NKAIN3: variants seen among roughly 807,000 people sequenced by gnomAD.
The protein encoded by NKAIN3 is sodium/potassium transporting ATPase interacting 3, also known as sodium/potassium-transporting ATPase subunit beta-1-interacting protein 3.
In NKAIN3, 25 loss-of-function variants were observed where a neutral mutation model predicts 30.2. That is an observed-to-expected ratio of 0.83 (90% CI 0.60 to 1.16). The LOEUF is 1.16. Among genes scored for constraint, NKAIN3 ranks in the 50% most tolerant of loss-of-function variants. NKAIN3 has a pLI of 0.00. For missense variants in NKAIN3, 225 were observed against 254.1 expected, an observed-to-expected ratio of 0.89 and a Z score of 0.78; for synonymous variants, 91 against 89.6, an observed-to-expected ratio of 1.02 and a Z score of -0.09.
intron 4 of NKAIN3, among the ~76,000 whole-genome samples, chr8:62,846,428 A>G (rs1415997245): frequency 1.3e-5 from 2 of 152,050 alleles, no homozygotes; most frequent in Non-Finnish European, 2.9e-5. Context: ...TCCATCACCT[A>G]GGTATTAGGC....
intron 1 of NKAIN3, among the ~76,000 whole-genome samples, chr8:62,489,615 C>G (rs144441030): frequency 6.6e-6 from 1 of 152,230 alleles, no homozygotes; most frequent in East Asian, 1.9e-4. Context: ...GATGACAAAA[C>G]AGCATATTTA....
intron 4 of NKAIN3, among the ~76,000 whole-genome samples, chr8:62,780,986 A>C (rs1418264355): frequency 1.3e-5 from 2 of 152,050 alleles, no homozygotes; most frequent in African/African-American, 2.4e-5. Flanking sequence ...TTGGAAAAGA[A>C]GTCAAATTGT....
At chr8:62,753,505 T>A (rs1816352668) in intron 4 of NKAIN3, among the ~76,000 whole-genome samples, 1 of 152,114 alleles carries the variant, frequency 6.6e-6, no homozygotes, top group Non-Finnish European at 1.5e-5. Flanking sequence ...AATTTAGTAA[T>A]TAATTCAATG....
At chr8:62,576,765 G>C (rs1390026720) in intron 1 of NKAIN3, among the ~76,000 whole-genome samples, 1 of 152,074 alleles carries the variant, frequency 6.6e-6, no homozygotes, top group Non-Finnish European at 1.5e-5. Flanking sequence ...ACCAAGGCTA[G>C]CATCTCCCCA....
intron 3 of NKAIN3, among the ~76,000 whole-genome samples, chr8:62,654,296 G>C (rs951684040): frequency 1.3e-5 from 2 of 151,750 alleles, no homozygotes; most frequent in Admixed American, 1.3e-4. Context: ...CAAATAGAAA[G>C]GAAAAGATAA....
chr8:62,384,938 C>T (rs1817380207), intron 1 of NKAIN3, among the ~76,000 whole-genome samples: 1 of 152,054 alleles, frequency 6.6e-6, no homozygotes, highest in Admixed American at 6.6e-5. Flanking sequence ...TAGATATTAT[C>T]ATTGTAATTA....
chr8:62,858,173 G>A (rs1461398950), intron 4 of NKAIN3, among the ~76,000 whole-genome samples: 1 of 152,086 alleles, frequency 6.6e-6, no homozygotes, highest in Non-Finnish European at 1.5e-5. Context: ...CCTGTACCTG[G>A]AGGTATCACC....
At chr8:62,383,881 C>CTTTG (rs1817349085) in intron 1 of NKAIN3, among the ~76,000 whole-genome samples, 1 of 145,788 alleles carries the variant, frequency 6.9e-6, no homozygotes, top group Admixed American at 6.8e-5. Flanking sequence ...CATGAATTTT[C>CTTTG]TTTTTTTTTT....
At chr8:62,468,655 C>T (rs775226211) in intron 1 of NKAIN3, among the ~76,000 whole-genome samples, 1 of 152,146 alleles carries the variant, frequency 6.6e-6, no homozygotes, top group African/African-American at 2.4e-5. Flanking sequence ...AAAAATATTC[C>T]AAATTTAGTA....
rs996521868 is a variant in NKAIN3 at position 62,320,440 on chromosome 8, C to A, written c.54+71313C>A. Among the ~76,000 whole-genome samples the A allele has an allele frequency of 2.0e-5, 3 of 152,220 alleles. No homozygotes were observed. The South Asian group carries it at 6.2e-4, about 32-fold the overall frequency. On this transcript the variant is annotated intron_variant, in intron 1 of 6. Coordinates refer to ENST00000623646, the MANE Select transcript of NKAIN3 (RefSeq NM_001304533.3). ...TTCTTCCTAGCCTCGATGGTCTTTA[C>A]AATTTGGCATGTTTTTGCAGTGGCT...
chr8:62,863,192 G>A, intron 4 of NKAIN3: 2 of 1,541,064 alleles, frequency 1.3e-6, no homozygotes, highest in African/African-American at 2.7e-5. Flanking sequence ...TCTATCTCCT[G>A]CAGGCGTTTT....
At chr8:62,760,199 A>T (rs1484018864) in intron 4 of NKAIN3, among the ~76,000 whole-genome samples, 3 of 152,174 alleles carry the variant, frequency 2.0e-5, no homozygotes, top group Admixed American at 1.3e-4. Context: ...TAGTTCAACC[A>T]TTGTGGAAGT....
intron 1 of NKAIN3, among the ~76,000 whole-genome samples, chr8:62,414,124 A>T (rs1332637938): frequency 6.6e-6 from 1 of 152,178 alleles, no homozygotes; most frequent in South Asian, 2.1e-4. Flanking sequence ...AGCCACCTGA[A>T]TACTATTCAG....
intron 1 of NKAIN3, among the ~76,000 whole-genome samples, chr8:62,544,177 A>C (rs2129905467): frequency 6.6e-6 from 1 of 151,974 alleles, no homozygotes; most frequent in Admixed American, 6.6e-5. Context: ...AATTTTTAGT[A>C]TTTTTTGTAC....
At chr8:62,259,708 T>C (rs1366205296) in intron 1 of NKAIN3, among the ~76,000 whole-genome samples, 2 of 152,194 alleles carry the variant, frequency 1.3e-5, no homozygotes, top group African/African-American at 4.8e-5. Context: ...ATAGATATTT[T>C]AAGATGAGCA....
chr8:62,884,536 C>T (rs554560834), intron 4 of NKAIN3, among the ~76,000 whole-genome samples: 1 of 152,264 alleles, frequency 6.6e-6, no homozygotes, highest in East Asian at 1.9e-4. Context: ...GGATTACAGG[C>T]GTGAGCCCCT....
At chr8:62,594,922 A>G (rs1810775669) in intron 3 of NKAIN3, among the ~76,000 whole-genome samples, 1 of 151,614 alleles carries the variant, frequency 6.6e-6, no homozygotes, top group South Asian at 2.1e-4. Context: ...AATAAAAAAT[A>G]TATATTACAT....
intron 4 of NKAIN3, among the ~76,000 whole-genome samples, chr8:62,795,390 A>G (rs967606237): frequency 5.3e-5 from 8 of 152,118 alleles, no homozygotes; most frequent in Non-Finnish European, 1.2e-4. Context: ...CCTGAATTCC[A>G]TCCACAAGCC....
intron 1 of NKAIN3, among the ~76,000 whole-genome samples, chr8:62,518,669 T>G (rs2129773461): frequency 6.6e-6 from 1 of 152,264 alleles, no homozygotes; most frequent in Non-Finnish European, 1.5e-5. Flanking sequence ...TAAAAATTGT[T>G]TTTTCCTAAA....
Sources: allele counts gnomAD v4.1 joint callset (sites outside exome capture counted in the v4.1 genomes callset), GRCh38; gene constraint gnomAD v4.1.1; transcripts MANE v1.5; gene names NCBI Gene and HGNC (gene_info 2026-07-23, HGNC 2026-07-21).